The following NSUN7 variants were observed in gnomAD, a reference collection of about 807,000 sequenced individuals.
NSUN7 encodes the protein NOP2/Sun RNA methyltransferase family member 7.
In NSUN7, 39 loss-of-function variants were observed where a neutral mutation model predicts 58.5. The ratio of observed to expected loss-of-function variants is 0.67; its 90% CI spans 0.52 to 0.87. NSUN7 has a LOEUF of 0.87. NSUN7 is among the 40% of genes least tolerant of loss of function. NSUN7 has a pLI of 0.00. For missense variants in NSUN7, 765 were observed against 844.1 expected (o/e 0.91, Z 1.16); for synonymous variants, 278 against 303.7 (o/e 0.92, Z 0.88).
At position 40,798,945 on chromosome 4, in the gene NSUN7, A is replaced by G. The variant is rs374688181; in HGVS notation, c.1400+41A>G. On this transcript the variant is annotated intron_variant, in intron 10 of 11. Transcript: ENST00000381782. ...ATTCTTCTAAACAACTCAAACAAAT[A>G]TTTTTTAAAAGGAAAAATATTATTT... The G allele has an allele frequency of 7.9e-6, 8 of 1,013,030 alleles. No individual in the cohort carries two copies. In the African/African-American group the frequency reaches 1.3e-4, roughly 17 times the overall value. The allele number at this position is 1,013,030 out of a possible 1,614,324, so 62.8% of individuals were successfully genotyped here.
intron 7 of NSUN7, among the ~76,000 whole-genome samples, chr4:40,782,007 A>G (rs947043544): frequency 6.6e-6 from 1 of 152,208 alleles, no homozygotes; most frequent in Non-Finnish European, 1.5e-5. Flanking sequence ...AAATATATAG[A>G]GAGTAAAATT....
rs773667845 is a variant in NSUN7, at chr4:40,790,658, C to T, written c.1093C>T (p.Gln365Ter). 4 of 1,598,828 alleles carry T rather than the reference C, an allele frequency of 2.5e-6. No individual in the cohort carries two copies. The African/African-American group carries it at 5.4e-5, about 21-fold the overall frequency. The change falls in exon 8 of 12, where the codon CAG becomes TAG. Residue 365 changes from glutamine (Q) to a stop codon, truncating the protein, a stop_gained. Transcript: ENST00000381782. LOFTEE classifies it high-confidence loss of function. ...CATTGAATCAAAGGATCACAGGTTACAGAAAGTTAAAGTGATTTTGCTGCT... is the reference window on the plus strand; with the variant it reads ...CATTGAATCAAAGGATCACAGGTTATAGAAAGTTAAAGTGATTTTGCTGCT... ...INIESKDHRL[Q>*]KVKVILLLPR...
chr4:40,767,586 A>T (rs1237488503), intron 4 of NSUN7, among the ~76,000 whole-genome samples: 1 of 152,184 alleles, frequency 6.6e-6, no homozygotes, highest in Non-Finnish European at 1.5e-5. Flanking sequence ...AGTTCTGTAG[A>T]TGTCTATTAG....
intron 7 of NSUN7, among the ~76,000 whole-genome samples, chr4:40,790,062 A>G (rs1047059028): frequency 1.1e-5 from 1 of 87,432 alleles, no homozygotes; most frequent in South Asian, 3.3e-4. Flanking sequence ...ACCCTCCCCC[A>G]CCTTTTTTTT....
chr4:40,794,623 A>G (rs1743239712), intron 9 of NSUN7, 147 bp downstream of exon 9: 3 of 497,958 alleles, frequency 6.0e-6, no homozygotes, highest in Non-Finnish European at 1.1e-5. Flanking sequence ...TCAAATAACA[A>G]AATATTTATC....
chr4:40,765,893 G>A (rs539929579), intron 4 of NSUN7, among the ~76,000 whole-genome samples: 6 of 152,226 alleles, frequency 3.9e-5, no homozygotes, highest in South Asian at 2.1e-4. Flanking sequence ...GTCTGTTATC[G>A]TTGTATAAGA....
rs1744132520 is a variant in NSUN7, at chr4:40,810,177, T to G, written c.*1238T>G. On this transcript the variant is annotated 3_prime_UTR_variant, in exon 12 of 12. Coordinates refer to ENST00000381782, the MANE Select transcript of NSUN7 (RefSeq NM_024677.6). ...GTCTACTTCAGCTCTGATATTCTAT[T>G]TTTACTTTCTTACTTGAAGTGAGAA... 6.6e-6 allele frequency: 1 copy of G among 152,210 alleles called. No homozygotes were observed. The highest frequency in any genetic ancestry group is 1.5e-5 in the Non-Finnish European group (1 of 68,034). The allele number at this position is 152,210 out of a possible 1,614,324, so 9.4% of individuals were successfully genotyped here.
At chr4:40,801,918 A>AG (rs1743605230) in intron 10 of NSUN7, among the ~76,000 whole-genome samples, 1 of 147,936 alleles carries the variant, frequency 6.8e-6, no homozygotes, top group Non-Finnish European at 1.5e-5. Flanking sequence ...AAAAAAAAAA[A>AG]AGAAAAGAAA....
chr4:40,751,072 C>T (rs1439327487), intron 2 of NSUN7, 81 bp downstream of exon 2: 1 of 1,485,770 alleles, frequency 6.7e-7, no homozygotes, highest in African/African-American at 1.4e-5. Flanking sequence ...CTCCTCCTCC[C>T]TTCCCCTCAT....
chr4:40,778,186 C>T (rs1742360343), intron 7 of NSUN7, among the ~76,000 whole-genome samples: 1 of 152,102 alleles, frequency 6.6e-6, no homozygotes, highest in Non-Finnish European at 1.5e-5. Context: ...ACACATGAGA[C>T]TCAGTGATTC....
At chr4:40,795,465 T>G (rs1288317161) in intron 9 of NSUN7, among the ~76,000 whole-genome samples, 1 of 152,210 alleles carries the variant, frequency 6.6e-6, no homozygotes, top group Non-Finnish European at 1.5e-5. Context: ...GCCTTTTACT[T>G]GAAGCATTTT....
At chr4:40,757,902 T>TTTTTTTTG (rs111847789) in intron 2 of NSUN7, among the ~76,000 whole-genome samples, 7 of 148,496 alleles carry the variant, frequency 4.7e-5, no homozygotes, top group South Asian at 2.2e-4. Flanking sequence ...CTATTCCTGT[T>TTTTTTTTG]TTTGTTTGTT....
intron 7 of NSUN7, among the ~76,000 whole-genome samples, chr4:40,778,231 G>A (rs1270325812): frequency 1.3e-5 from 2 of 152,204 alleles, no homozygotes; most frequent in Non-Finnish European, 2.9e-5. Flanking sequence ...TGCAGATGGA[G>A]AGGAGAAAAG....
intron 4 of NSUN7, among the ~76,000 whole-genome samples, chr4:40,773,981 A>G (rs1264329421): frequency 6.6e-6 from 1 of 152,108 alleles, no homozygotes; most frequent in Non-Finnish European, 1.5e-5. Flanking sequence ...TATTTTTAGT[A>G]GAGATGGGGT....
chr4:40,785,073 G>C (rs1742745763), intron 7 of NSUN7, among the ~76,000 whole-genome samples: 1 of 152,140 alleles, frequency 6.6e-6, no homozygotes, highest in South Asian at 2.1e-4. Context: ...GGGTCTCACT[G>C]TCACCCAGGC....
At chr4:40,760,546 A>G in intron 3 of NSUN7, 54 bp downstream of exon 3, 1 of 1,367,746 alleles carries the variant, frequency 7.3e-7, no homozygotes, top group South Asian at 1.2e-5. Context: ...TTAAAAAAGA[A>G]AGTGTTTAAA....
intron 11 of NSUN7, among the ~76,000 whole-genome samples, chr4:40,807,470 C>T (rs1306552415): frequency 6.6e-6 from 1 of 151,802 alleles, no homozygotes; most frequent in Non-Finnish European, 1.5e-5. Flanking sequence ...GACTCAGCCT[C>T]AACCTAGTAG....
At chr4:40,790,233 T>C (rs57043064) in intron 7 of NSUN7, among the ~76,000 whole-genome samples, 3,139 of 152,304 alleles carry the variant, frequency 0.021, 107 homozygotes, top group African/African-American at 0.072. Context: ...TCCCATTTTA[T>C]GAAGAAGGAA....
chr4:40,785,129 G>T (rs188121155), intron 7 of NSUN7, among the ~76,000 whole-genome samples: 1 of 151,154 alleles, frequency 6.6e-6, no homozygotes, highest in East Asian at 2.0e-4. Flanking sequence ...TTGATCTCCT[G>T]GGTGCAAACA....
Sources: allele counts gnomAD v4.1 joint callset (sites outside exome capture counted in the v4.1 genomes callset), GRCh38; gene constraint gnomAD v4.1.1; transcripts MANE v1.5; gene names NCBI Gene and HGNC (gene_info 2026-07-23, HGNC 2026-07-21).